The following RETREG1 variants were observed in gnomAD, a reference collection of about 807,000 sequenced individuals.
RETREG1 encodes family with sequence similarity 134 member B.
A neutral mutation model predicts 54.8 loss-of-function variants in RETREG1; 44 were observed. The ratio of observed to expected loss-of-function variants is 0.80; its 90% CI spans 0.63 to 1.03. The LOEUF is 1.03. Among genes scored for constraint, RETREG1 ranks in the 50% least tolerant of loss-of-function variants. The pLI is 0.00. For synonymous variants in RETREG1, 217 were observed against 238.5 expected, an observed-to-expected ratio of 0.91 and a Z score of 0.83; for missense variants, 554 against 605.1, an observed-to-expected ratio of 0.92 and a Z score of 0.89.
chr5:16,531,670 G>A (rs765136479), intron 3 of RETREG1, among the ~76,000 whole-genome samples: 1 of 152,150 alleles, frequency 6.6e-6, no homozygotes, highest in Admixed American at 6.6e-5. Context: ...CTTGGGCTTG[G>A]AAGGGAGGAA....
chr5:16,606,879 A>G, intron 1 of RETREG1, among the ~76,000 whole-genome samples: 1 of 152,160 alleles, frequency 6.6e-6, no homozygotes, highest in East Asian at 1.9e-4. Flanking sequence ...CAGTTGTGGC[A>G]TGAAGTTCTG....
Position 16,474,122 on chromosome 5 carries a change from T to A in RETREG1, c.*619A>T, listed in dbSNP as rs1738419204. ...ATGCTTCTTTACAAATAAGCCTAAG[T>A]CTACAACTGCAGAAATAACATGGAA... On this transcript the variant is annotated 3_prime_UTR_variant, in exon 9 of 9. Transcript: ENST00000306320. 6.5e-6 allele frequency: 1 copy of A among 153,770 alleles called. No homozygotes were observed. Among genetic ancestry groups the A allele is most frequent in the Non-Finnish European group, 1.4e-5 (1 of 69,332 alleles). 9.5% of individuals were successfully genotyped at this position (153,770 alleles called of 1,614,324 possible). A position where few individuals can be genotyped will look rare whatever the true frequency, so the allele number is the denominator to read the frequency against.
intron 3 of RETREG1, among the ~76,000 whole-genome samples, chr5:16,491,338 T>C (rs1054602319): frequency 9.2e-5 from 14 of 152,210 alleles, no homozygotes; most frequent in African/African-American, 3.4e-4. Context: ...ATTTATGACA[T>C]TTGTAACACT....
chr5:16,588,558 C>T (rs189393168), intron 1 of RETREG1, among the ~76,000 whole-genome samples: 24 of 152,336 alleles, frequency 1.6e-4, no homozygotes, highest in Non-Finnish European at 2.9e-4. Context: ...GTTAACAAGC[C>T]GTGTGCTGTG....
At chr5:16,512,356 CT>C (rs2126569233) in intron 3 of RETREG1, among the ~76,000 whole-genome samples, 1 of 152,320 alleles carries the variant, frequency 6.6e-6, no homozygotes, top group African/African-American at 2.4e-5. Flanking sequence ...CCTACACATG[CT>C]GCAGAAGCCC....
chr5:16,500,458 T>C (rs1206278139), intron 3 of RETREG1, among the ~76,000 whole-genome samples: 2 of 152,082 alleles, frequency 1.3e-5, no homozygotes, highest in Non-Finnish European at 2.9e-5. Flanking sequence ...AAGAATAATG[T>C]CATGTGGAAG....
chr5:16,518,232 T>C (rs1740422910), intron 3 of RETREG1, among the ~76,000 whole-genome samples: 1 of 148,034 alleles, frequency 6.8e-6, no homozygotes, highest in Non-Finnish European at 1.5e-5. Flanking sequence ...TATATATTTA[T>C]ATATTATATA....
chr5:16,484,198 C>G (rs1046296443), intron 3 of RETREG1, among the ~76,000 whole-genome samples: 1 of 152,082 alleles, frequency 6.6e-6, no homozygotes, highest in Non-Finnish European at 1.5e-5. Context: ...TCTCCCTGCC[C>G]TCATTTTCCA....
At chr5:16,558,211 G>A (rs749229816) in intron 3 of RETREG1, among the ~76,000 whole-genome samples, 90 of 152,224 alleles carry the variant, frequency 5.9e-4, no homozygotes, top group South Asian at 1.7e-3. Flanking sequence ...AGTGAACTAC[G>A]ATTGCACCAC....
At chr5:16,520,465 G>T (rs892372607) in intron 3 of RETREG1, among the ~76,000 whole-genome samples, 8 of 152,092 alleles carry the variant, frequency 5.3e-5, no homozygotes, top group Non-Finnish European at 1.0e-4. Flanking sequence ...GAGTAGCGGG[G>T]ATTACAGGCA....
At chr5:16,549,241 T>G (rs916518535) in intron 3 of RETREG1, among the ~76,000 whole-genome samples, 5 of 152,230 alleles carry the variant, frequency 3.3e-5, no homozygotes, top group African/African-American at 1.2e-4. Context: ...CCTTCACTGT[T>G]GGAGGACTGT....
In RETREG1 at chr5:16,582,662, G is replaced by GA. The variant is rs10561101; in HGVS notation, c.321-10561dup. Among the ~76,000 whole-genome samples the GA allele has an allele frequency of 4.6e-4, 67 of 145,362 alleles. 1 individual carries two copies. The highest frequency in any genetic ancestry group is 1.9e-3 in the Admixed American group (28 of 14,678). ...TGCTCATGGTTAAAAAATAAAATAA[G>GA]AAAAAAAAAAAAACGGCCTGGGTAA... On this transcript the variant is annotated intron_variant, in intron 1 of 8. Coordinates refer to ENST00000306320, the MANE Select transcript of RETREG1 (RefSeq NM_001034850.3).
chr5:16,590,582 G>A (rs2447811), intron 1 of RETREG1, among the ~76,000 whole-genome samples: 3 of 152,234 alleles, frequency 2.0e-5, no homozygotes, highest in East Asian at 1.9e-4. Context: ...GAAACTCGGG[G>A]CGTGTGTGCT....
intron 3 of RETREG1, among the ~76,000 whole-genome samples, chr5:16,512,304 G>A (rs1740202614): frequency 6.6e-6 from 1 of 152,150 alleles, no homozygotes; most frequent in Admixed American, 6.5e-5. Context: ...CACCTCTCCA[G>A]GTCACTATGC....
intron 3 of RETREG1, among the ~76,000 whole-genome samples, chr5:16,510,264 A>G (rs1460197530): frequency 1.3e-5 from 2 of 152,154 alleles, no homozygotes; most frequent in African/African-American, 2.4e-5. Flanking sequence ...AAGACCTAAC[A>G]TTTTAGACAC....
At chr5:16,545,444 T>G (rs972962035) in intron 3 of RETREG1, among the ~76,000 whole-genome samples, 7 of 152,120 alleles carry the variant, frequency 4.6e-5, no homozygotes, top group Non-Finnish European at 8.8e-5. Context: ...GGTGTCCTTG[T>G]CTTTGAAAGG....
At chr5:16,527,826 T>TTTTTTTTTTC in intron 3 of RETREG1, among the ~76,000 whole-genome samples, 1 of 138,658 alleles carries the variant, frequency 7.2e-6, no homozygotes, top group Non-Finnish European at 1.5e-5. Flanking sequence ...TTTTTTTTTT[T>TTTTTTTTTTC]TGAGATGCAG....
intron 3 of RETREG1, among the ~76,000 whole-genome samples, chr5:16,516,487 G>A (rs1740361189): frequency 1.3e-5 from 2 of 152,228 alleles, no homozygotes; most frequent in Admixed American, 1.3e-4. Flanking sequence ...AGTCCCAGTT[G>A]AAATTCCAAG....
rs1453310690 is a variant in RETREG1, at chr5:16,597,449, G to A, written c.320+19203C>T. On this transcript the variant is annotated intron_variant, in intron 1 of 8. Transcript: ENST00000306320. The surrounding 1 kb of genome is among the most constrained non-coding windows in gnomAD (Gnocchi z 4.3). Reference sequence around the variant, plus strand: ...TCATAAATCTTAACCCCTAACCTTGGTGCCACAAAAAGCACATTGCCTTTC... The same window carrying A: ...TCATAAATCTTAACCCCTAACCTTGATGCCACAAAAAGCACATTGCCTTTC... 6.6e-6 allele frequency among the ~76,000 whole-genome samples: 1 copy of A among 152,066 alleles called. No homozygotes were observed. Among genetic ancestry groups the A allele is most frequent in the Non-Finnish European group, 1.5e-5 (1 of 68,002 alleles).
Sources: gnomAD v4.1 joint callset for allele counts (sites outside exome capture counted in the v4.1 genomes callset) on GRCh38, gnomAD v4.1.1 for gene constraint, Gnocchi (gnomAD v3.1) non-coding constraint, MANE v1.5 for transcripts, NCBI Gene and HGNC (gene_info 2026-07-23, HGNC 2026-07-21) for gene names.